Variants in LDHC observed in about 807,000 individuals in gnomAD.
The protein encoded by LDHC is lactate dehydrogenase C, also known as L-lactate dehydrogenase C chain.
Under a neutral mutation model 30.2 loss-of-function variants are expected in LDHC, and 20 were observed. The ratio of observed to expected loss-of-function variants is 0.66; its 90% confidence interval spans 0.47 to 0.96. The LOEUF is 0.96. Among genes scored for constraint, LDHC ranks in the 40% least tolerant of loss-of-function variants. LDHC has a pLI of 0.00. For synonymous variants in LDHC, 139 were observed against 132.7 expected (o/e 1.05, Z -0.32); for missense variants, 362 against 394.9 (o/e 0.92, Z 0.71).
In LDHC at chr11:18,413,273, G is replaced by T. The variant is rs545804836; in HGVS notation, c.126+430G>T. ...ATTTTTTATATTTTTAGTAGAGATG[G>T]GGTTTCTCCATGTTGGCCAGGCTGG... On this transcript the variant is annotated intron_variant, in intron 2 of 7. Transcript: ENST00000541669. 2.0e-5 allele frequency among the ~76,000 whole-genome samples: 3 copies of T among 151,584 alleles called. No individual in the cohort carries two copies. In the South Asian group the frequency reaches 6.3e-4, roughly 32 times the overall value.
chr11:18,415,855 G>A (rs1230060358), intron 3 of LDHC, among the ~76,000 whole-genome samples: 17 of 151,240 alleles, frequency 1.1e-4, no homozygotes, highest in Admixed American at 8.6e-4. Flanking sequence ...ACCACACCCC[G>A]CTGATTTTTG....
chr11:18,434,338 A>G (rs552571121), intron 4 of LDHC, among the ~76,000 whole-genome samples: 4 of 151,448 alleles, frequency 2.6e-5, no homozygotes, highest in African/African-American at 9.7e-5. Context: ...CTTGGTTTGG[A>G]TCAATTGCTG....
chr11:18,439,985 C>T (rs1848435523), intron 6 of LDHC, among the ~76,000 whole-genome samples: 1 of 150,482 alleles, frequency 6.6e-6, no homozygotes, highest in Non-Finnish European at 1.5e-5. Flanking sequence ...GAGCAAGACT[C>T]TGTCTCAGAA....
At chr11:18,416,743 C>T (rs988796619) in intron 3 of LDHC, among the ~76,000 whole-genome samples, 4 of 150,464 alleles carry the variant, frequency 2.7e-5, no homozygotes, top group Admixed American at 1.3e-4. Flanking sequence ...TTCCCTTCTC[C>T]GTTCATTTCA....
At chr11:18,423,674 C>T (rs1565048801) in intron 3 of LDHC, among the ~76,000 whole-genome samples, 1 of 151,972 alleles carries the variant, frequency 6.6e-6, no homozygotes, top group Non-Finnish European at 1.5e-5. Flanking sequence ...GATTTAAACA[C>T]AAAGACACAA....
intron 3 of LDHC, among the ~76,000 whole-genome samples, chr11:18,424,920 A>C (rs1251026986): frequency 1.3e-5 from 2 of 152,206 alleles, no homozygotes; most frequent in Non-Finnish European, 2.9e-5. Context: ...AGGCAGGAGA[A>C]TCGCTTGAAC....
chr11:18,444,603 GGT>G (rs1491370533), intron 6 of LDHC, among the ~76,000 whole-genome samples: 6 of 75,594 alleles, frequency 7.9e-5, no homozygotes, highest in South Asian at 5.8e-4. Flanking sequence ...GTGTTCAGGT[GGT>G]ATATATATAT....
At chr11:18,441,622 A>G (rs369227916) in intron 6 of LDHC, among the ~76,000 whole-genome samples, 16 of 147,720 alleles carry the variant, frequency 1.1e-4, no homozygotes, top group African/African-American at 2.2e-4. Context: ...AGATATTTCA[A>G]TGCGGCTGGG....
chr11:18,449,562 G>C (rs1848619732), intron 7 of LDHC, among the ~76,000 whole-genome samples: 1 of 151,474 alleles, frequency 6.6e-6, no homozygotes, highest in South Asian at 2.1e-4. Flanking sequence ...GCTTTCCATA[G>C]CTAGGCAGAT....
chr11:18,412,903 T>C (rs1377670310), intron 2 of LDHC, 60 bp downstream of exon 2: 2 of 1,541,740 alleles, frequency 1.3e-6, no homozygotes, highest in Non-Finnish European at 1.8e-6. Context: ...GTGTTGTATA[T>C]GTCGATGTAT....
chr11:18,434,798 T>C lies in LDHC; in HGVS notation c.477T>C (p.Ile159=), dbSNP rs1294287982. 7 of 1,610,678 alleles carry C rather than the reference T, an allele frequency of 4.3e-6. No homozygotes were observed. The Admixed American group carries it at 1.2e-4, about 27-fold the overall frequency. The change falls in exon 5 of 8, where the codon ATT becomes ATC. Residue 159 remains isoleucine (I), a synonymous_variant. Transcript: ENST00000541669. ...KISGLPVTRV[I]GSGCNLDSAR... is the part of the protein sequence containing the mutation. ...GTGGCTTACCTGTAACTCGTGTAAT[T>C]GGAAGTGGTTGTAATCTAGACTCTG...
chr11:18,423,932 G>T (rs1041760234), intron 3 of LDHC, among the ~76,000 whole-genome samples: 5 of 152,080 alleles, frequency 3.3e-5, no homozygotes, highest in Non-Finnish European at 1.5e-5. Context: ...TAAATAGGGG[G>T]AGAAAACTCA....
At chr11:18,425,027 CAATT>C (rs375748637) in intron 3 of LDHC, among the ~76,000 whole-genome samples, 9 of 152,124 alleles carry the variant, frequency 5.9e-5, no homozygotes, top group African/African-American at 1.7e-4. Context: ...AATAAAAAAA[CAATT>C]AATATGTAAT....
chr11:18,449,788 C>T (rs535755730), intron 7 of LDHC, among the ~76,000 whole-genome samples: 43 of 152,256 alleles, frequency 2.8e-4, no homozygotes, highest in African/African-American at 9.4e-4. Flanking sequence ...TGAGTAGAGC[C>T]CCAGAGATGG....
chr11:18,438,083 G>A (rs1358148671), intron 5 of LDHC, among the ~76,000 whole-genome samples: 1 of 152,088 alleles, frequency 6.6e-6, no homozygotes, highest in African/African-American at 2.4e-5. Context: ...CTGAGGCTGA[G>A]TAATTTATAA....
At chr11:18,431,619 C>T (rs2658551) in intron 4 of LDHC, among the ~76,000 whole-genome samples, 17,423 of 152,136 alleles carry the variant, frequency 0.11, 1,175 homozygotes, top group East Asian at 0.32. Context: ...GACCTTGGCT[C>T]ACCACAATCT....
chr11:18,437,631 A>G (rs1011960424), intron 5 of LDHC, among the ~76,000 whole-genome samples: 3 of 152,068 alleles, frequency 2.0e-5, no homozygotes, highest in African/African-American at 7.2e-5. Context: ...GGGCACCTGT[A>G]GTCCCAGTGA....
At chr11:18,428,164 CTCTTT>C (rs1183560622) in intron 3 of LDHC, among the ~76,000 whole-genome samples, 2 of 134,308 alleles carry the variant, frequency 1.5e-5, no homozygotes, top group Non-Finnish European at 3.2e-5. Flanking sequence ...TTCTTTCTCT[CTCTTT>C]TTTTTTTTTT....
chr11:18,425,670 T>G (rs961687580), intron 3 of LDHC, among the ~76,000 whole-genome samples: 3 of 152,166 alleles, frequency 2.0e-5, no homozygotes, highest in African/African-American at 7.2e-5. Flanking sequence ...CCAGGCGTGG[T>G]GGCTCACGCC....
Sources: gnomAD v4.1 joint callset for allele counts (sites outside exome capture counted in the v4.1 genomes callset) on GRCh38, gnomAD v4.1.1 for gene constraint, MANE v1.5 for transcripts, NCBI Gene and HGNC (gene_info 2026-07-23, HGNC 2026-07-21) for gene names.